The following ZNF23 variants were observed in gnomAD, a reference collection of about 807,000 sequenced individuals.
The protein encoded by ZNF23 is kruppel-like zinc finger factor X31.
ZNF23 carries 48 observed loss-of-function variants against 56.2 expected under a neutral mutation model. That is an observed-to-expected ratio of 0.85 (90% CI 0.68 to 1.09). The LOEUF (loss-of-function observed/expected upper bound fraction) is 1.09, where lower values mean the gene tolerates loss of function less well. ZNF23 is among the 50% of genes least tolerant of loss of function. ZNF23 has a pLI of 0.00. For synonymous variants in ZNF23, 266 were observed against 283.3 expected, an observed-to-expected ratio of 0.94 and a Z score of 0.61; for missense variants, 805 against 811.4, an observed-to-expected ratio of 0.99 and a Z score of 0.10.
At position 71,453,933 on chromosome 16, in the gene ZNF23, T is replaced by C. The variant is rs906137578; in HGVS notation, c.160+109A>G. On this transcript the variant is annotated intron_variant, in intron 3 of 4. Transcript: ENST00000647773. ...TCTAGATTAGGAACAGCTCTGGGGT[T>C]CTCACTCAGTAAAGGATTACCAGAG... is the stretch of plus-strand genomic sequence containing the variant. 28 of 1,317,874 alleles carry C rather than the reference T, an allele frequency of 2.1e-5. No individual in the cohort carries two copies. In the South Asian group the frequency reaches 2.4e-4, roughly 11 times the overall value. The allele number at this position is 1,317,874 out of a possible 1,614,324, so 81.6% of individuals were successfully genotyped here.
At position 71,449,227 on chromosome 16, in the gene ZNF23, G is replaced by A. The variant is rs2042961919; in HGVS notation, c.927C>T (p.Ser309=). 1 of 1,613,480 alleles carries A rather than the reference G, an allele frequency of 6.2e-7. No homozygotes were observed. The highest frequency in any genetic ancestry group is 8.5e-7 in the Non-Finnish European group (1 of 1,179,798). ...MCGKAFSVNG[S]LSRHQRIHTG... Reference sequence around the variant, plus strand: ...TATGGATTCTCTGATGCCTACTTAGGCTTCCATTAACACTGAAGGCCTTCC... The same window carrying A: ...TATGGATTCTCTGATGCCTACTTAGACTTCCATTAACACTGAAGGCCTTCC... Residue 309 remains serine, a synonymous_variant, in exon 5 of 5, where the codon AGC becomes AGT. Coordinates refer to ENST00000647773, the MANE Select transcript of ZNF23 (RefSeq NM_001381984.1).
chr16:71,449,804 A>G lies in ZNF23; in HGVS notation c.350T>C (p.Phe117Ser). Residue 117 changes from phenylalanine to serine, a missense_variant, in exon 5 of 5, where the codon TTT becomes TCT. Transcript: ENST00000647773. ...TTCTGAAAAGTCTGTTTCCTGGGAA[A>G]AGTCTCTTTGAAGTTCAAATGATAC... ...ENVSFELQRD[F>S]SQETDFSEAS... 1.9e-6 allele frequency: 3 copies of G among 1,614,016 alleles called. No individual in the cohort carries two copies. Among genetic ancestry groups the G allele is most frequent in the Non-Finnish European group, 2.5e-6 (3 of 1,180,028 alleles).
At position 71,454,070 on chromosome 16, in the gene ZNF23, C is replaced by T. The variant is rs974931992; in HGVS notation, c.132G>A (p.Leu44=). ...AQRTLYRDVM[L]ENYGNVASLG... ...GGGAGGCCACATTCCCATAATTCTC[C>T]AGCATCACATCCCTGTACAGGGTCC... Residue 44 remains leucine, a synonymous_variant, in exon 3 of 5, where the codon CTG becomes CTA. Coordinates refer to ENST00000647773, the MANE Select transcript of ZNF23 (RefSeq NM_001381984.1). 1 of 1,614,160 alleles carries T rather than the reference C, an allele frequency of 6.2e-7. No individual in the cohort carries two copies. Among genetic ancestry groups the T allele is most frequent in the Non-Finnish European group, 8.5e-7 (1 of 1,180,012 alleles).
At position 71,453,313 on chromosome 16, in the gene ZNF23, C is replaced by A; in HGVS notation, c.198G>T (p.Leu66=). The change falls in exon 4 of 5, where the codon CTG becomes CTT. Residue 66 remains leucine (L), a synonymous_variant. Coordinates refer to ENST00000647773, the MANE Select transcript of ZNF23 (RefSeq NM_001381984.1). The part of the protein sequence containing the change: ...PLLKPAVISQ[L]EGGSELGGSS... Reference sequence around the variant, plus strand: ...AGCCCCCCAGCTCACTTCCTCCCTCCAGTTGTGAGATCACAGCAGGTTTGA... The same window carrying A: ...AGCCCCCCAGCTCACTTCCTCCCTCAAGTTGTGAGATCACAGCAGGTTTGA... The A allele has an allele frequency of 6.2e-7, 1 of 1,605,838 alleles. No homozygotes were observed. The highest frequency in any genetic ancestry group is 2.2e-5 in the East Asian group (1 of 44,750).
At chr16:71,451,873 T>C (rs2043066904) in intron 4 of ZNF23, 1 of 152,218 alleles carries the variant, frequency 6.6e-6, no homozygotes, top group Non-Finnish European at 1.5e-5. Context: ...CGTTTTCACT[T>C]TCCTCTCTTG....
intron 1 of ZNF23, among the ~76,000 whole-genome samples, chr16:71,458,863 T>C (rs1597004160): frequency 6.6e-6 from 1 of 152,384 alleles, no homozygotes; most frequent in South Asian, 2.1e-4. Context: ...TATTTTGTTA[T>C]GGCAGCCCAA....
At chr16:71,461,657 A>T (rs1485901076) in intron 1 of ZNF23, 1 of 152,196 alleles carries the variant, frequency 6.6e-6, no homozygotes, top group African/African-American at 2.4e-5. Flanking sequence ...GGGCTGAGTT[A>T]CCTTTTGGGA....
intron 3 of ZNF23, chr16:71,453,673 CT>C: frequency 2.1e-6 from 1 of 468,436 alleles, no homozygotes; most frequent in Non-Finnish European, 3.8e-6. Context: ...AGGGATACCA[CT>C]TTTTGACCTT....
intron 1 of ZNF23, among the ~76,000 whole-genome samples, chr16:71,460,370 G>C (rs1383503069): frequency 1.3e-5 from 2 of 151,816 alleles, no homozygotes; most frequent in Non-Finnish European, 2.9e-5. Flanking sequence ...ACATTATATA[G>C]ATTTTCTACA....
chr16:71,456,381 T>C (rs1192736982), intron 2 of ZNF23, among the ~76,000 whole-genome samples: 1 of 152,084 alleles, frequency 6.6e-6, no homozygotes, highest in African/African-American at 2.4e-5. Context: ...GTCCTGCTAT[T>C]CCTCTTCTCT....
chr16:71,458,401 C>T (rs542766483), intron 1 of ZNF23, among the ~76,000 whole-genome samples: 1 of 152,180 alleles, frequency 6.6e-6, no homozygotes, highest in Admixed American at 6.5e-5. Context: ...CCATTTCCTC[C>T]ATATCCAGAG....
intron 4 of ZNF23, chr16:71,450,446 C>T (rs564674110): frequency 2.6e-5 from 6 of 226,958 alleles, no homozygotes; most frequent in South Asian, 4.7e-5. Flanking sequence ...CAGCTGGGCA[C>T]GGTAGCTCAC....
intron 4 of ZNF23, chr16:71,451,920 G>A (rs1399592756): frequency 2.0e-5 from 3 of 152,206 alleles, no homozygotes; most frequent in East Asian, 3.8e-4. Context: ...TACAGCAAAT[G>A]AGTCTTAAAC....
intron 2 of ZNF23, among the ~76,000 whole-genome samples, chr16:71,455,670 C>G (rs574280455): frequency 5.3e-4 from 81 of 152,040 alleles, no homozygotes; most frequent in Non-Finnish European, 8.8e-4. Context: ...ATTTTTCTAT[C>G]TTAAGCATTA....
chr16:71,453,419 C>G (rs2043122596), intron 3 of ZNF23, 69 bp from the exon 4 acceptor site: 15 of 1,186,258 alleles, frequency 1.3e-5, no homozygotes, highest in Non-Finnish European at 1.7e-5. Flanking sequence ...TAAGCCTCTT[C>G]TCAGACTGTC....
intron 3 of ZNF23, 164 bp from the exon 4 acceptor site, chr16:71,453,514 TAA>T (rs2043125757): frequency 3.4e-6 from 2 of 580,532 alleles, no homozygotes; most frequent in Non-Finnish European, 3.0e-6. Context: ...TAGGAAGGAC[TAA>T]AGAGACCTTG....
intron 2 of ZNF23, among the ~76,000 whole-genome samples, chr16:71,455,587 C>A (rs190013245): frequency 1.1e-3 from 165 of 152,156 alleles, no homozygotes; most frequent in Admixed American, 2.0e-3. Context: ...GAACTCCTGA[C>A]CTCAAGTGAT....
Position 71,453,343 on chromosome 16 carries a change from T to G in ZNF23, c.168A>C (p.Pro56=). ...NYGNVASLGF[P]LLKPAVISQL... ...GTGAGATCACAGCAGGTTTGAGAAG[T>G]GGAAATCCTGGTTTGGGAGAGGTAA... The change falls in exon 4 of 5, where the codon CCA becomes CCC. Residue 56 remains proline, a synonymous_variant. Transcript: ENST00000647773. 6.3e-7 allele frequency: 1 copy of G among 1,593,822 alleles called. No individual in the cohort carries two copies. Among genetic ancestry groups the G allele is most frequent in the Non-Finnish European group, 8.6e-7 (1 of 1,168,982 alleles).
Position 71,453,294 on chromosome 16 carries a change from C to T in ZNF23, c.217G>A (p.Gly73Arg). ...ISQLEGGSEL[G>R]GSSPLAAGTG... ...CCTGCAGCCAGTGGAGATGAGCCCC[C>T]CAGCTCACTTCCTCCCTCCAGTTGT... The change falls in exon 4 of 5, where the codon GGG becomes AGG. Residue 73 changes from glycine (G) to arginine (R), a missense_variant. By Grantham distance (125) the Gly-to-Arg change is moderately radical (BLOSUM62 -2). Coordinates refer to ENST00000647773, the MANE Select transcript of ZNF23 (RefSeq NM_001381984.1). 6.2e-7 allele frequency: 1 copy of T among 1,608,976 alleles called. No individual in the cohort carries two copies. Among genetic ancestry groups the T allele is most frequent in the Non-Finnish European group, 8.5e-7 (1 of 1,177,526 alleles).
Sources: allele counts gnomAD v4.1 joint callset (sites outside exome capture counted in the v4.1 genomes callset), GRCh38; gene constraint gnomAD v4.1.1; transcripts MANE v1.5; gene names NCBI Gene and HGNC (gene_info 2026-07-23, HGNC 2026-07-21).